The following PSMD10 variants were observed in gnomAD, a reference collection of about 807,000 sequenced individuals.
The protein encoded by PSMD10 is 26S proteasome non-ATPase regulatory subunit 10.
In PSMD10, 2 loss-of-function variants were observed where a neutral mutation model predicts 13.2. That is an observed-to-expected ratio of 0.15 (90% CI 0.06 to 0.48). PSMD10 has a LOEUF of 0.48. Among genes scored for constraint, PSMD10 ranks in the 20% least tolerant of loss-of-function variants. The pLI is 0.97. For synonymous variants in PSMD10, 66 were observed against 64.4 expected (o/e 1.03, Z -0.12); for missense variants, 120 against 167.4 (o/e 0.72, Z 1.56).
At chrX:108,090,257 C>G (rs1341294855) in intron 1 of PSMD10, among the ~76,000 whole-genome samples, 1 of 112,099 alleles carries the variant, frequency 8.9e-6, no homozygotes, top group East Asian at 2.8e-4. Context: ...TTGCCCCCAA[C>G]TGTCTCCCAA....
In PSMD10 at chrX:108,088,006, T is replaced by A; in HGVS notation, c.307A>T (p.Asn103Tyr). The change falls in exon 3 of 5, where the codon AAT becomes TAT. Residue 103 changes from asparagine (N) to tyrosine (Y), a missense_variant. Around this residue, in one of 3 missense-constraint regions of PSMD10, gnomAD observed 68 missense variants for 124.8 expected, o/e 0.54. Coordinates refer to ENST00000217958, the MANE Select transcript of PSMD10 (RefSeq NM_002814.4). Reference sequence around the variant, plus strand: ...TGTAAGGGAGTACAGCCATTTTGATTGACAGCATTCACTTGAGCACCTTTT... The same window carrying A: ...TGTAAGGGAGTACAGCCATTTTGATAGACAGCATTCACTTGAGCACCTTTT... The part of the protein sequence containing the change: ...LGKGAQVNAV[N>Y]QNGCTPLHYA... 8.3e-7 allele frequency: 1 copy of A among 1,211,237 alleles called. No homozygotes were observed. The highest frequency in any genetic ancestry group is 1.1e-6 in the Non-Finnish European group (1 of 894,992).
intron 1 of PSMD10, 81 bp downstream of exon 1, chrX:108,091,326 C>A: frequency 1.1e-6 from 1 of 923,490 alleles, no homozygotes; most frequent in Non-Finnish European, 1.6e-6. Flanking sequence ...AGAAACGGGG[C>A]CTCCGCTAGG....
chrX:108,084,842 A>G lies in PSMD10; in HGVS notation c.*132T>C, dbSNP rs748491071. On this transcript the variant is annotated 3_prime_UTR_variant, in exon 5 of 5. Transcript: ENST00000217958. ...AAGTAACTCAGCAGGAACAAGAGTCAACATGTTTATAAGACTTTGAAGGTG... is the reference window on the plus strand; with the variant it reads ...AAGTAACTCAGCAGGAACAAGAGTCGACATGTTTATAAGACTTTGAAGGTG... The G allele has an allele frequency of 2.7e-6, 2 of 748,581 alleles. No homozygotes were observed. Among genetic ancestry groups the G allele is most frequent in the Non-Finnish European group, 3.7e-6 (2 of 538,925 alleles). 61.7% of individuals were successfully genotyped at this position (748,581 alleles called of 1,213,427 possible).
chrX:108,085,248 T>A, intron 4 of PSMD10, 121 bp from the exon 5 acceptor site: 1 of 748,092 alleles, frequency 1.3e-6, no homozygotes, highest in Non-Finnish European at 1.8e-6. Flanking sequence ...GAAAGTTATT[T>A]AATCAGGAAA....
chrX:108,088,730 T>C (rs1460575009), intron 2 of PSMD10, 22 bp downstream of exon 2: 14 of 1,143,156 alleles, frequency 1.2e-5, no homozygotes, highest in African/African-American at 1.8e-5. Context: ...ATTTATCAAC[T>C]CAACTTTATC....
rs1378291071 is a variant in PSMD10, at chrX:108,087,769, G to A, written c.444C>T (p.Ala148=). ...TATGAATCATCTTCAAGTTACCCTT[G>A]GCTGCTGCCCGGTGCATTGCTGTAG... The part of the protein sequence containing the change: ...YEATAMHRAA[A]KGNLKMIHIL... The change falls in exon 4 of 5, where the codon GCC becomes GCT. Residue 148 remains alanine, a synonymous_variant. Coordinates refer to ENST00000217958, the MANE Select transcript of PSMD10 (RefSeq NM_002814.4). 8.3e-7 allele frequency: 1 copy of A among 1,210,104 alleles called. No homozygotes were observed. Among genetic ancestry groups the A allele is most frequent in the African/African-American group, 1.8e-5 (1 of 57,122 alleles).
intron 4 of PSMD10, 38 bp downstream of exon 4, chrX:108,087,648 G>A: frequency 8.4e-7 from 1 of 1,188,641 alleles, no homozygotes; most frequent in Non-Finnish European, 1.1e-6. Flanking sequence ...GAAGGCTAAT[G>A]TCAGGTAGAA....
intron 4 of PSMD10, among the ~76,000 whole-genome samples, chrX:108,086,882 A>G (rs953686057): frequency 9.0e-6 from 1 of 111,414 alleles, no homozygotes; most frequent in Non-Finnish European, 1.9e-5. Context: ...AGGAGTCTAT[A>G]AGAAGGTAAT....
At chrX:108,090,434 T>C (rs1196927016) in intron 1 of PSMD10, among the ~76,000 whole-genome samples, 4 of 112,472 alleles carry the variant, frequency 3.6e-5, no homozygotes, top group African/African-American at 1.3e-4. Context: ...TAAATCTTAA[T>C]ATAAAGTATT....
intron 4 of PSMD10, among the ~76,000 whole-genome samples, chrX:108,085,888 T>C (rs1281379937): frequency 9.0e-6 from 1 of 111,638 alleles, no homozygotes; most frequent in Non-Finnish European, 1.9e-5. Flanking sequence ...AGAGTCTGAA[T>C]TGGGTGAACA....
rs2031512290 is a variant in PSMD10, at chrX:108,087,614, AATG to A, written c.527+69_527+71del. On this transcript the variant is annotated intron_variant, in intron 4 of 4. Transcript: ENST00000217958. ...CATTTATAAGCAGAATAAAAAAAGA[AATG>A]ATGTATAAGAATTATTGCAAGAAGG... 4 of 1,127,697 alleles carry A rather than the reference AATG, an allele frequency of 3.5e-6. No individual in the cohort carries two copies. In the South Asian group the frequency reaches 6.7e-5, roughly 19 times the overall value. 92.9% of individuals were successfully genotyped at this position (1,127,697 alleles called of 1,213,427 possible).
Position 108,084,442 on chromosome X carries a change from T to G in PSMD10, c.*532A>C, listed in dbSNP as rs191517898. 2.7e-5 allele frequency: 3 copies of G among 112,664 alleles called. No individual in the cohort carries two copies. Among genetic ancestry groups the G allele is most frequent in the Admixed American group, 9.4e-5 (1 of 10,692 alleles). The allele number at this position is 112,664 out of a possible 1,213,427, so 9.3% of individuals were successfully genotyped here. On this transcript the variant is annotated 3_prime_UTR_variant, in exon 5 of 5. Coordinates refer to ENST00000217958, the MANE Select transcript of PSMD10 (RefSeq NM_002814.4). ...GTATTTTAGAGCACACCATCCAACTTAAAATGTGGTCCACTAAAATATGTA... is the reference window on the plus strand; with the variant it reads ...GTATTTTAGAGCACACCATCCAACTGAAAATGTGGTCCACTAAAATATGTA...
chrX:108,088,169 G>T, intron 2 of PSMD10, 70 bp from the exon 3 acceptor site: 1 of 1,045,956 alleles, frequency 9.6e-7, no homozygotes, highest in Non-Finnish European at 1.3e-6. Context: ...CATTTAGGAA[G>T]GGTTAGCAAG....
chrX:108,087,556 G>T, intron 4 of PSMD10, 130 bp downstream of exon 4: 1 of 922,780 alleles, frequency 1.1e-6, no homozygotes, highest in Non-Finnish European at 1.5e-6. Context: ...TATATTTTGT[G>T]CAATTTAACA....
In PSMD10 at chrX:108,086,478, GAA is replaced by G. The variant is rs758998775; in HGVS notation, c.527+1206_527+1207del. ...ATGTAAAAGAAATTATGAACAAAAT[GAA>G]AAGATAAACTAGGAAAAATATTTTC... On this transcript the variant is annotated intron_variant, in intron 4 of 4. Transcript: ENST00000217958. Among the ~76,000 whole-genome samples, 191 of 111,705 alleles carry G rather than the reference GAA, an allele frequency of 1.7e-3. 1 individual carries two copies. Among genetic ancestry groups the G allele is most frequent in the African/African-American group, 5.9e-3 (182 of 30,726 alleles).
intron 1 of PSMD10, 76 bp downstream of exon 1, chrX:108,091,331 G>T: frequency 1.0e-6 from 1 of 979,831 alleles, no homozygotes; most frequent in Non-Finnish European, 1.5e-6. Flanking sequence ...CGGGGCCTCC[G>T]CTAGGGCCGG....
rs1171012787 is a variant in PSMD10 at position 108,084,785 on chromosome X, G to A, written c.*189C>T. Reference sequence around the variant, plus strand: ...AGTAGAACAATCTCAACAGTTATTCGATGCCTGGAAAACAAGCTGTAAGCT... The same window carrying A: ...AGTAGAACAATCTCAACAGTTATTCAATGCCTGGAAAACAAGCTGTAAGCT... On this transcript the variant is annotated 3_prime_UTR_variant, in exon 5 of 5. Coordinates refer to ENST00000217958, the MANE Select transcript of PSMD10 (RefSeq NM_002814.4). 1 of 405,460 alleles carries A rather than the reference G, an allele frequency of 2.5e-6. No individual in the cohort carries two copies. The highest frequency in any genetic ancestry group is 5.1e-5 in the Admixed American group (1 of 19,617). 33.4% of individuals were successfully genotyped at this position (405,460 alleles called of 1,213,427 possible).
At position 108,084,846 on chromosome X, in the gene PSMD10, T is replaced by G. The variant is rs2147940772; in HGVS notation, c.*128A>C. On this transcript the variant is annotated 3_prime_UTR_variant, in exon 5 of 5. Coordinates refer to ENST00000217958, the MANE Select transcript of PSMD10 (RefSeq NM_002814.4). ...AACTCAGCAGGAACAAGAGTCAACA[T>G]GTTTATAAGACTTTGAAGGTGAGAA... is the stretch of plus-strand genomic sequence containing the variant. 1 of 774,132 alleles carries G rather than the reference T, an allele frequency of 1.3e-6. No individual in the cohort carries two copies. Among genetic ancestry groups the G allele is most frequent in the South Asian group, 4.3e-5 (1 of 23,262 alleles). 63.8% of individuals were successfully genotyped at this position (774,132 alleles called of 1,213,427 possible). A position where few individuals can be genotyped will look rare whatever the true frequency, so the allele number is the denominator to read the frequency against.
Position 108,091,447 on chromosome X carries a change from C to T in PSMD10, c.74G>A (p.Ser25Asn). ...AGCCAGGGATTTATCGGCCAGAATACTCTCCTTCAACTCTTCCAGCTTCCC... is the reference window on the plus strand; with the variant it reads ...AGCCAGGGATTTATCGGCCAGAATATTCTCCTTCAACTCTTCCAGCTTCCC... Reference protein sequence around the residue: ...YSGKLEELKESILADKSLATR... With the variant: ...YSGKLEELKENILADKSLATR... Residue 25 changes from serine to asparagine, a missense_variant, in exon 1 of 5, where the codon AGT becomes AAT. This residue lies in a region of PSMD10 where 32 missense variants were observed against 26.2 expected (regional missense o/e 1.22). Coordinates refer to ENST00000217958, the MANE Select transcript of PSMD10 (RefSeq NM_002814.4). The T allele has an allele frequency of 8.2e-7, 1 of 1,212,433 alleles. No homozygotes were observed. The highest frequency in any genetic ancestry group is 2.2e-5 in the Admixed American group (1 of 46,177).
Sources: allele counts gnomAD v4.1 joint callset (sites outside exome capture counted in the v4.1 genomes callset), GRCh38; gene constraint gnomAD v4.1.1; regional missense constraint gnomAD v4.1.1; transcripts MANE v1.5; gene names NCBI Gene and HGNC (gene_info 2026-07-23, HGNC 2026-07-21).